Variants in RASA1 observed in about 807,000 individuals in gnomAD.
RASA1 encodes the protein ras GTPase-activating protein 1.
In RASA1, 25 loss-of-function variants were observed where a neutral mutation model predicts 132.2. That is an observed-to-expected ratio of 0.19 (90% CI 0.14 to 0.26). The LOEUF (loss-of-function observed/expected upper bound fraction) is 0.26, where lower values mean the gene tolerates loss of function less well. Ranked by LOEUF, RASA1 falls within the 10% of genes least tolerant of loss-of-function variation. The probability of loss-of-function intolerance (pLI) is 1.00; values close to 1 mark genes in which losing one functional copy is unlikely to be tolerated. For synonymous variants in RASA1, 477 were observed against 449.9 expected (o/e 1.06, Z -0.76); for missense variants, 964 against 1,299.2 (o/e 0.74, Z 3.97).
chr5:87,353,464 A>C (rs1759429267), intron 9 of RASA1, among the ~76,000 whole-genome samples: 1 of 151,998 alleles, frequency 6.6e-6, no homozygotes, highest in African/African-American at 2.4e-5. Flanking sequence ...GCAGTCGTGG[A>C]GGAAGGTAAG....
At position 87,362,570 on chromosome 5, in the gene RASA1, A is replaced by G. The variant is rs529871259; in HGVS notation, c.1352A>G (p.Asn451Ser). 31 of 1,593,846 alleles carry G rather than the reference A, an allele frequency of 1.9e-5. No individual in the cohort carries two copies. Among genetic ancestry groups the G allele is most frequent in the African/African-American group, 1.3e-4 (10 of 74,532 alleles). Residue 451 changes from asparagine (N) to serine (S), a missense_variant, in exon 10 of 25, where the codon AAT becomes AGT. By Grantham distance (46) the Asn-to-Ser change is conservative. This residue lies in a region of RASA1 where 25 missense variants were observed against 18.8 expected (regional missense o/e 1.33). Coordinates refer to ENST00000274376, the MANE Select transcript of RASA1 (RefSeq NM_002890.3). Reference sequence around the variant, plus strand: ...ATTCAGGATCAAGAACAAGTACTCAATGACACAGTGGATGGCAAGGAAATC... The same window carrying G: ...ATTCAGGATCAAGAACAAGTACTCAGTGACACAGTGGATGGCAAGGAAATC... ...VPMQDQEQVL[N>S]DTVDGKEIYN... is the part of the protein sequence containing the mutation.
chr5:87,315,101 T>C (rs1756224830), intron 1 of RASA1, among the ~76,000 whole-genome samples: 1 of 152,240 alleles, frequency 6.6e-6, no homozygotes, highest in South Asian at 2.1e-4. Context: ...TCATATTCAC[T>C]ATGTTCATAA....
chr5:87,369,298 T>C (rs1217088876), intron 11 of RASA1, among the ~76,000 whole-genome samples: 5 of 152,206 alleles, frequency 3.3e-5, no homozygotes, highest in African/African-American at 1.2e-4. Context: ...ACATTTGTTG[T>C]ACACAACTGT....
At chr5:87,274,281 T>C (rs1237188671) in intron 1 of RASA1, among the ~76,000 whole-genome samples, 1 of 152,170 alleles carries the variant, frequency 6.6e-6, no homozygotes, top group Non-Finnish European at 1.5e-5. Context: ...ATAAGGAATG[T>C]AAATAGTACC....
intron 1 of RASA1, among the ~76,000 whole-genome samples, chr5:87,277,383 G>T (rs1754113573): frequency 6.6e-6 from 1 of 152,144 alleles, no homozygotes; most frequent in African/African-American, 2.4e-5. Flanking sequence ...GCCTTTAAAA[G>T]AGGTAATTAA....
chr5:87,347,792 G>A (rs1200700915), intron 7 of RASA1, among the ~76,000 whole-genome samples: 1 of 151,978 alleles, frequency 6.6e-6, no homozygotes. Context: ...CATTCTGTCA[G>A]CTATTTCAGT....
chr5:87,312,335 CA>C (rs1211453062), intron 1 of RASA1, among the ~76,000 whole-genome samples: 1 of 152,116 alleles, frequency 6.6e-6, no homozygotes, highest in Non-Finnish European at 1.5e-5. Flanking sequence ...AACATTTGTA[CA>C]AAAATGTAAA....
chr5:87,274,432 C>A (rs1008050215), intron 1 of RASA1, among the ~76,000 whole-genome samples: 2 of 152,034 alleles, frequency 1.3e-5, no homozygotes, highest in African/African-American at 4.8e-5. Flanking sequence ...TATGGGTGAG[C>A]CATTGTTTCT....
chr5:87,343,895 A>G (rs1473024901), intron 6 of RASA1, among the ~76,000 whole-genome samples: 1 of 152,240 alleles, frequency 6.6e-6, no homozygotes, highest in Non-Finnish European at 1.5e-5. Context: ...ATAAACAAGA[A>G]TGAAATCCTG....
At chr5:87,373,802 G>C (rs1761123043) in intron 13 of RASA1, among the ~76,000 whole-genome samples, 1 of 152,034 alleles carries the variant, frequency 6.6e-6, no homozygotes, top group South Asian at 2.1e-4. Context: ...TTTAATTTGA[G>C]TAGTGACAGT....
At chr5:87,383,985 T>C (rs1480218886) in intron 21 of RASA1, among the ~76,000 whole-genome samples, 1 of 151,964 alleles carries the variant, frequency 6.6e-6, no homozygotes, top group Admixed American at 6.6e-5. Flanking sequence ...CCATCTCATA[T>C]CTGGTCTGAG....
In RASA1 at chr5:87,281,603, C is replaced by T. The variant is rs555639225; in HGVS notation, c.539+12613C>T. Reference sequence around the variant, plus strand: ...TGTTTTTGTTTTTGTTTTTTTGAGACGGAGGCTTGTTCTGTTGCCCAGGCT... The same window carrying T: ...TGTTTTTGTTTTTGTTTTTTTGAGATGGAGGCTTGTTCTGTTGCCCAGGCT... On this transcript the variant is annotated intron_variant, in intron 1 of 24. Coordinates refer to ENST00000274376, the MANE Select transcript of RASA1 (RefSeq NM_002890.3). Among the ~76,000 whole-genome samples, 56 of 151,336 alleles carry T rather than the reference C, an allele frequency of 3.7e-4. 1 individual carries two copies. The highest frequency in any genetic ancestry group is 5.6e-4 in the African/African-American group (23 of 41,228).
At chr5:87,344,629 G>T (rs774544080) in intron 6 of RASA1, among the ~76,000 whole-genome samples, 10 of 151,276 alleles carry the variant, frequency 6.6e-5, no homozygotes, top group Admixed American at 3.3e-4. Context: ...TGAGCCTCCC[G>T]AGTAGCTGAG....
At chr5:87,290,895 AT>A (rs1167808649) in intron 1 of RASA1, among the ~76,000 whole-genome samples, 12 of 152,232 alleles carry the variant, frequency 7.9e-5, no homozygotes, top group Non-Finnish European at 1.3e-4. Context: ...TTTGGCAATT[AT>A]GAATAAAGGT....
intron 12 of RASA1, among the ~76,000 whole-genome samples, chr5:87,371,741 C>T (rs1447585227): frequency 6.6e-6 from 1 of 152,044 alleles, no homozygotes; most frequent in Non-Finnish European, 1.5e-5. Flanking sequence ...AGTTAAATTC[C>T]ACCTAAGCTT....
chr5:87,292,772 C>T (rs1237968373), intron 1 of RASA1, among the ~76,000 whole-genome samples: 1 of 152,172 alleles, frequency 6.6e-6, no homozygotes, highest in East Asian at 1.9e-4. Context: ...GAGTCTTATT[C>T]ATGAACTTGG....
intron 17 of RASA1, 127 bp from the exon 18 acceptor site, chr5:87,378,269 C>G (rs918529474): frequency 6.6e-6 from 7 of 1,057,108 alleles, no homozygotes; most frequent in Non-Finnish European, 5.8e-6. Flanking sequence ...GTACTTTCAA[C>G]GCTGCACGCA....
intron 12 of RASA1, among the ~76,000 whole-genome samples, chr5:87,371,869 G>A (rs1298167255): frequency 1.3e-5 from 2 of 152,040 alleles, no homozygotes; most frequent in Non-Finnish European, 2.9e-5. Context: ...CACTCGATGT[G>A]TTTCATACAT....
At chr5:87,307,738 T>G (rs1755686262) in intron 1 of RASA1, among the ~76,000 whole-genome samples, 1 of 152,246 alleles carries the variant, frequency 6.6e-6, no homozygotes, top group Non-Finnish European at 1.5e-5. Context: ...ACTTTAATAG[T>G]CTCTCCAAGA....
Sources: allele counts gnomAD v4.1 joint callset (sites outside exome capture counted in the v4.1 genomes callset), GRCh38; gene constraint gnomAD v4.1.1; regional missense constraint gnomAD v4.1.1; transcripts MANE v1.5; gene names NCBI Gene and HGNC (gene_info 2026-07-23, HGNC 2026-07-21).